Variants in TXNDC12 observed in about 807,000 individuals in gnomAD.
TXNDC12 encodes the protein thioredoxin domain containing 12.
TXNDC12 carries 22 observed loss-of-function variants against 24.2 expected under a neutral mutation model. The observed-to-expected ratio is 0.91, with a 90% confidence interval of 0.65 to 1.30. TXNDC12 has a LOEUF of 1.30. Among genes scored for constraint, TXNDC12 ranks in the 50% most tolerant of loss-of-function variants. TXNDC12 has a pLI of 0.00. For synonymous variants in TXNDC12, 58 were observed against 73.4 expected (o/e 0.79, Z 1.07); for missense variants, 184 against 205.8 (o/e 0.89, Z 0.65).
intron 2 of TXNDC12, among the ~76,000 whole-genome samples, chr1:52,037,203 C>T (rs1265589738): frequency 6.7e-6 from 1 of 149,086 alleles, no homozygotes; most frequent in Non-Finnish European, 1.5e-5. Context: ...GGCAAATAGA[C>T]CACCTTTTTT....
chr1:52,028,316 C>A (rs1358756112), intron 3 of TXNDC12, among the ~76,000 whole-genome samples: 1 of 152,122 alleles, frequency 6.6e-6, no homozygotes, highest in Non-Finnish European at 1.5e-5. Flanking sequence ...TTTCAGCTTC[C>A]TCTAACATGT....
intron 2 of TXNDC12, 30 bp downstream of exon 2, chr1:52,041,507 C>T (rs764139521): frequency 6.4e-7 from 1 of 1,551,824 alleles, no homozygotes; most frequent in Non-Finnish European, 8.9e-7. Context: ...TGTTTTACCA[C>T]CATAAATGAC....
chr1:52,022,549 T>A (rs1425770006), intron 6 of TXNDC12, among the ~76,000 whole-genome samples: 5 of 152,058 alleles, frequency 3.3e-5, no homozygotes, highest in Non-Finnish European at 7.4e-5. Flanking sequence ...CCACTTCACT[T>A]CCATAGCTTG....
chr1:52,033,171 C>G (rs151161277), intron 2 of TXNDC12: 1 of 1,614,126 alleles, frequency 6.2e-7, no homozygotes, highest in East Asian at 2.2e-5. Flanking sequence ...CGGACCCATG[C>G]TTTGCAGATT....
intron 2 of TXNDC12, among the ~76,000 whole-genome samples, chr1:52,039,354 A>G (rs1685944769): frequency 6.6e-6 from 1 of 151,768 alleles, no homozygotes; most frequent in Non-Finnish European, 1.5e-5. Context: ...TTTGAGACCA[A>G]GTCTCGCTCT....
At chr1:52,032,852 T>C in intron 2 of TXNDC12, 6 of 1,614,222 alleles carry the variant, frequency 3.7e-6, no homozygotes, top group African/African-American at 1.3e-5. Flanking sequence ...AAGTGCTCTG[T>C]GGTACCAGGA....
At chr1:52,055,195 T>G (rs1572015572), upstream of TXNDC12, 1 of 764,616 alleles carries the variant, frequency 1.3e-6, no homozygotes, top group East Asian at 2.6e-5. Context: ...GCACAACACC[T>G]CTACTTCCCA....
intron 3 of TXNDC12, among the ~76,000 whole-genome samples, chr1:52,027,990 T>C (rs1205443811): frequency 6.6e-6 from 1 of 151,976 alleles, no homozygotes; most frequent in Non-Finnish European, 1.5e-5. Flanking sequence ...CAAATCCAGC[T>C]ACTTTTTTTG....
chr1:52,051,462 G>A (rs1430470583), intron 1 of TXNDC12, among the ~76,000 whole-genome samples: 1 of 152,034 alleles, frequency 6.6e-6, no homozygotes, highest in Non-Finnish European at 1.5e-5. Flanking sequence ...TGCAACCTCC[G>A]CCTCCCAGGT....
intron 4 of TXNDC12, among the ~76,000 whole-genome samples, chr1:52,025,110 T>G (rs1198300405): frequency 6.6e-6 from 1 of 152,250 alleles, no homozygotes; most frequent in Non-Finnish European, 1.5e-5. Context: ...CCTACATCAT[T>G]GACTTGCACA....
At chr1:52,032,732 T>C (rs1685788508) in intron 2 of TXNDC12, 1 of 1,612,978 alleles carries the variant, frequency 6.2e-7, no homozygotes, top group Non-Finnish European at 8.5e-7. Context: ...TGAAGAAACA[T>C]GTTGGCCAGT....
At chr1:52,054,277 T>C (rs1686279848) in intron 1 of TXNDC12, among the ~76,000 whole-genome samples, 3 of 151,334 alleles carry the variant, frequency 2.0e-5, no homozygotes, top group Non-Finnish European at 4.4e-5. Flanking sequence ...TAGAAAAGCA[T>C]AAACTCTGAG....
chr1:52,034,152 T>A, intron 2 of TXNDC12: 1 of 879,764 alleles, frequency 1.1e-6, no homozygotes, highest in African/African-American at 1.7e-5. Context: ...TTAAACCTAC[T>A]GGCTCTCAGT....
chr1:52,021,046 AG>A, intron 6 of TXNDC12, 34 bp from the exon 7 acceptor site: 1 of 1,492,078 alleles, frequency 6.7e-7, no homozygotes, highest in Admixed American at 1.7e-5. Context: ...AAAAGTATGA[AG>A]TAAGTAATGT....
At chr1:52,032,011 A>T (rs1183202180) in intron 2 of TXNDC12, 2 of 424,462 alleles carry the variant, frequency 4.7e-6, no homozygotes, top group Non-Finnish European at 3.2e-6. Context: ...GAACTATCAA[A>T]ATACTACTTC....
intron 2 of TXNDC12, among the ~76,000 whole-genome samples, chr1:52,036,340 GA>G (rs1685882848): frequency 1.3e-5 from 2 of 152,044 alleles, no homozygotes; most frequent in Non-Finnish European, 2.9e-5. Context: ...GGGCAAAAAA[GA>G]AGAAAAAGAA....
intron 1 of TXNDC12, among the ~76,000 whole-genome samples, chr1:52,049,327 T>C (rs1686156026): frequency 1.3e-5 from 2 of 152,172 alleles, no homozygotes; most frequent in African/African-American, 4.8e-5. Flanking sequence ...CCACTGTGGC[T>C]GGGCGTGGTG....
intron 1 of TXNDC12, among the ~76,000 whole-genome samples, chr1:52,049,640 T>G (rs1458811900): frequency 6.6e-6 from 1 of 151,968 alleles, no homozygotes; most frequent in Non-Finnish European, 1.5e-5. Context: ...GAATTCATAT[T>G]AAAATTTACA....
chr1:52,034,594 C>T (rs1373080869), intron 2 of TXNDC12, among the ~76,000 whole-genome samples: 3 of 151,938 alleles, frequency 2.0e-5, no homozygotes, highest in African/African-American at 4.8e-5. Flanking sequence ...AACTGGGCAT[C>T]TTTAATTTAT....
Sources: gnomAD v4.1 joint callset for allele counts (sites outside exome capture counted in the v4.1 genomes callset) on GRCh38, gnomAD v4.1.1 for gene constraint, MANE v1.5 for transcripts, NCBI Gene and HGNC (gene_info 2026-07-23, HGNC 2026-07-21) for gene names.